Variants in NPSR1 observed in about 807,000 individuals in gnomAD.
The protein encoded by NPSR1 is neuropeptide S receptor.
In NPSR1, 48 loss-of-function variants were observed where a neutral mutation model predicts 46.9. That is an observed-to-expected ratio of 1.02 (90% CI 0.81 to 1.30). The LOEUF (loss-of-function observed/expected upper bound fraction) is 1.30. Ranked by LOEUF, NPSR1 falls within the 50% of genes most tolerant of loss-of-function variation. The probability of loss-of-function intolerance (pLI) is 0.00; values close to 1 mark genes in which losing one functional copy is unlikely to be tolerated. For missense variants in NPSR1, 450 were observed against 449.5 expected, an observed-to-expected ratio of 1.00 and a Z score of -0.01; for synonymous variants, 176 against 168.1, an observed-to-expected ratio of 1.05 and a Z score of -0.36.
intron 5 of NPSR1, among the ~76,000 whole-genome samples, chr7:34,829,776 C>A (rs1584111784): frequency 6.6e-6 from 1 of 152,152 alleles, no homozygotes; most frequent in Non-Finnish European, 1.5e-5. Context: ...CTTGAAAGGG[C>A]AAAATACAAT....
At chr7:34,773,846 G>GT (rs2128734501) in intron 2 of NPSR1, among the ~76,000 whole-genome samples, 1 of 152,286 alleles carries the variant, frequency 6.6e-6, no homozygotes, top group African/African-American at 2.4e-5. Flanking sequence ...TTGTCTATTT[G>GT]TTTTTTCAGT....
At chr7:34,839,742 A>T (rs572652640) in intron 6 of NPSR1, among the ~76,000 whole-genome samples, 13 of 152,290 alleles carry the variant, frequency 8.5e-5, no homozygotes, top group African/African-American at 2.4e-4. Flanking sequence ...AGATTCTGCC[A>T]CGCTTAACAG....
intron 3 of NPSR1, among the ~76,000 whole-genome samples, chr7:34,799,420 TAAAGA>T (rs1340216240): frequency 6.6e-6 from 1 of 151,870 alleles, no homozygotes; most frequent in Admixed American, 6.6e-5. Context: ...TCAACATTCT[TAAAGA>T]AAACAATTTT....
intron 2 of NPSR1, among the ~76,000 whole-genome samples, chr7:34,705,434 CAAA>C (rs67782714): frequency 0.27 from 30,643 of 111,454 alleles, 4,083 homozygotes; most frequent in African/African-American, 0.46. Flanking sequence ...GACTCCATAT[CAAA>C]AAAAAAAAAA....
At chr7:34,812,094 G>A (rs561539553) in intron 4 of NPSR1, among the ~76,000 whole-genome samples, 1 of 152,216 alleles carries the variant, frequency 6.6e-6, no homozygotes, top group Admixed American at 6.5e-5. Flanking sequence ...TGGTTCCCAT[G>A]GACAGCCCAG....
intron 4 of NPSR1, among the ~76,000 whole-genome samples, chr7:34,822,903 A>AT (rs1789622900): frequency 6.6e-6 from 1 of 152,226 alleles, no homozygotes; most frequent in Non-Finnish European, 1.5e-5. Flanking sequence ...TTTTTACTAC[A>AT]TAAAAATTTA....
chr7:34,868,283 G>C (rs146867129), intron 8 of NPSR1, among the ~76,000 whole-genome samples: 1,828 of 151,452 alleles, frequency 0.012, 68 homozygotes, highest in African/African-American at 0.041. Flanking sequence ...GGGAGGGAGG[G>C]ACCAGGCAGC....
At chr7:34,666,255 CTGGAAAAGGGAA>C (rs377008562) in intron 1 of NPSR1, among the ~76,000 whole-genome samples, 2,266 of 152,204 alleles carry the variant, frequency 0.015, 24 homozygotes, top group Middle Eastern at 0.034. Flanking sequence ...CTACACAAGC[CTGGAAAAGGGAA>C]AGGAAAAGAG....
intron 3 of NPSR1, among the ~76,000 whole-genome samples, chr7:34,793,800 C>T (rs1788046768): frequency 6.6e-6 from 1 of 151,984 alleles, no homozygotes; most frequent in Non-Finnish European, 1.5e-5. Context: ...TTCATAATAG[C>T]CAAGATATGG....
intron 3 of NPSR1, among the ~76,000 whole-genome samples, chr7:34,787,396 T>C (rs975996834): frequency 1.3e-5 from 2 of 152,162 alleles, no homozygotes; most frequent in African/African-American, 2.4e-5. Flanking sequence ...AGTTTGATCA[T>C]ATATCCAGAC....
intron 2 of NPSR1, among the ~76,000 whole-genome samples, chr7:34,706,037 AAATC>A (rs1164783996): frequency 6.6e-6 from 1 of 151,808 alleles, no homozygotes; most frequent in African/African-American, 2.4e-5. Flanking sequence ...ATGGGTATAG[AAATC>A]TTGAATTCAT....
At chr7:34,738,356 T>C (rs936697254) in intron 2 of NPSR1, among the ~76,000 whole-genome samples, 3 of 152,220 alleles carry the variant, frequency 2.0e-5, no homozygotes, top group Non-Finnish European at 2.9e-5. Context: ...CACTAACAGA[T>C]TCCACTTCTT....
intron 3 of NPSR1, among the ~76,000 whole-genome samples, chr7:34,791,016 A>ATATATGTTATATGTTATATGTTATAT (rs1161260874): frequency 2.6e-5 from 3 of 113,736 alleles, no homozygotes; most frequent in Non-Finnish European, 4.8e-5. Context: ...ATGTTATATT[A>ATATATGTTATATGTTATATGTTATAT]TATATGTTAT....
intron 2 of NPSR1, among the ~76,000 whole-genome samples, chr7:34,741,065 GC>G (rs1188228041): frequency 1.3e-5 from 2 of 152,130 alleles, no homozygotes; most frequent in African/African-American, 2.4e-5. Flanking sequence ...TCTTATGGAG[GC>G]ACTCTTGTAC....
At chr7:34,672,274 T>C (rs1010512759) in intron 1 of NPSR1, among the ~76,000 whole-genome samples, 3 of 152,230 alleles carry the variant, frequency 2.0e-5, no homozygotes, top group African/African-American at 7.2e-5. Flanking sequence ...GGAATTCAGA[T>C]GGAATCTCAG....
At position 34,873,552 on chromosome 7, in the gene NPSR1, G is replaced by A. The variant is rs62464181; in HGVS notation, c.1026-4524G>A. Among the ~76,000 whole-genome samples, 241 of 151,846 alleles carry A rather than the reference G, an allele frequency of 1.6e-3. 3 individuals are homozygous for A. Among genetic ancestry groups the A allele is most frequent in the Non-Finnish European group, 2.7e-3 (185 of 68,034 alleles). On this transcript the variant is annotated intron_variant, in intron 8 of 8. Transcript: ENST00000359791. Reference sequence around the variant, plus strand: ...GGTGAAAGGTGAAGGAGGAGCCAATGTGTCACATGGTCAGAGCAGGAGCAA... The same window carrying A: ...GGTGAAAGGTGAAGGAGGAGCCAATATGTCACATGGTCAGAGCAGGAGCAA...
At chr7:34,783,705 G>A (rs570187583) in intron 3 of NPSR1, among the ~76,000 whole-genome samples, 1 of 152,058 alleles carries the variant, frequency 6.6e-6, no homozygotes, top group Admixed American at 6.6e-5. Context: ...ACTACACCAA[G>A]ACATATTATA....
At chr7:34,734,571 C>T (rs1176813872) in intron 2 of NPSR1, among the ~76,000 whole-genome samples, 1 of 152,116 alleles carries the variant, frequency 6.6e-6, no homozygotes, top group East Asian at 1.9e-4. Context: ...TGGCAATCAG[C>T]AAGGAAAACC....
intron 1 of NPSR1, among the ~76,000 whole-genome samples, chr7:34,680,750 A>G (rs1792587761): frequency 6.6e-6 from 1 of 152,204 alleles, no homozygotes; most frequent in Non-Finnish European, 1.5e-5. Context: ...CCAAAGAGTC[A>G]AGACAAAAGA....
Sources: gnomAD v4.1 joint callset for allele counts (sites outside exome capture counted in the v4.1 genomes callset) on GRCh38, gnomAD v4.1.1 for gene constraint, MANE v1.5 for transcripts, NCBI Gene and HGNC (gene_info 2026-07-23, HGNC 2026-07-21) for gene names.